Variants in SCAI observed in about 807,000 individuals in gnomAD.
The protein encoded by SCAI is protein SCAI.
In SCAI, 24 loss-of-function variants were observed where a neutral mutation model predicts 92.2. The observed-to-expected ratio is 0.26, with a 90% CI of 0.19 to 0.37. SCAI has a LOEUF of 0.37. SCAI is among the 10% of genes least tolerant of loss of function. The probability of loss-of-function intolerance (pLI) is 1.00; values close to 1 mark genes in which losing one functional copy is unlikely to be tolerated. For missense variants in SCAI, 450 were observed against 736.2 expected (o/e 0.61, Z 4.50); for synonymous variants, 261 against 258.6 (o/e 1.01, Z -0.09).
intron 2 of SCAI, among the ~76,000 whole-genome samples, chr9:125,087,756 G>A (rs1834351215): frequency 6.6e-6 from 1 of 152,090 alleles, no homozygotes; most frequent in Non-Finnish European, 1.5e-5. Context: ...AGAGAGAAGA[G>A]ATAATGAATC....
chr9:125,036,942 G>A (rs1203973638), intron 3 of SCAI, among the ~76,000 whole-genome samples: 1 of 152,162 alleles, frequency 6.6e-6, no homozygotes, highest in Non-Finnish European at 1.5e-5. Context: ...GAAACATGGA[G>A]AGACCTTACC....
At chr9:125,045,352 C>T (rs1833412801) in intron 3 of SCAI, among the ~76,000 whole-genome samples, 1 of 152,156 alleles carries the variant, frequency 6.6e-6, no homozygotes, top group Admixed American at 6.5e-5. Context: ...AGGCATGAGC[C>T]ACTGCATCTG....
Position 125,121,983 on chromosome 9 carries a change from G to A in SCAI, c.98+20650C>T, listed in dbSNP as rs1266886332. On this transcript the variant is annotated intron_variant, in intron 2 of 17. Transcript: ENST00000336505. The stretch of plus-strand genomic sequence containing the variant: ...ATCACAATTTCACTGACACCTCTAC[G>A]AAATGTTATTTGTATTTTGTCACAA... Among the ~76,000 whole-genome samples, 5 of 152,062 alleles carry A rather than the reference G, an allele frequency of 3.3e-5. No individual in the cohort carries two copies. In the South Asian group the frequency reaches 6.2e-4, roughly 19 times the overall value.
At chr9:125,050,248 C>T (rs1833533499) in intron 3 of SCAI, among the ~76,000 whole-genome samples, 1 of 152,130 alleles carries the variant, frequency 6.6e-6, no homozygotes, top group African/African-American at 2.4e-5. Context: ...GGGCCATAGA[C>T]CTACTCAGAC....
intron 9 of SCAI, among the ~76,000 whole-genome samples, chr9:125,009,485 G>A (rs1055791857): frequency 6.6e-6 from 1 of 151,984 alleles, no homozygotes; most frequent in African/African-American, 2.4e-5. Flanking sequence ...GGCCAGGCTG[G>A]TCTAGAACTC....
chr9:125,123,859 A>G (rs1262432873), intron 2 of SCAI, among the ~76,000 whole-genome samples: 1 of 152,236 alleles, frequency 6.6e-6, no homozygotes, highest in Non-Finnish European at 1.5e-5. Context: ...CACCTTCAAC[A>G]TGCACTCCCC....
At chr9:124,956,832 C>G (rs767893997) in intron 17 of SCAI, among the ~76,000 whole-genome samples, 1 of 151,858 alleles carries the variant, frequency 6.6e-6, no homozygotes, top group Non-Finnish European at 1.5e-5. Flanking sequence ...GCACTAATAA[C>G]AAGAAAAGGC....
chr9:125,075,066 A>G (rs1052223538), intron 2 of SCAI, among the ~76,000 whole-genome samples: 1 of 152,148 alleles, frequency 6.6e-6, no homozygotes, highest in Non-Finnish European at 1.5e-5. Flanking sequence ...TACAAACAAG[A>G]TGCATGGAAT....
intron 11 of SCAI, among the ~76,000 whole-genome samples, chr9:125,002,381 G>A (rs546667135): frequency 6.6e-6 from 1 of 152,068 alleles, no homozygotes; most frequent in African/African-American, 2.4e-5. Context: ...CATAGACTTT[G>A]GGAAGAATTC....
rs534639027 is a variant in SCAI at position 125,035,874 on chromosome 9, G to A, written c.231-6135C>T. ...GGAGTTCGAGACCAGCATGGGCAAC[G>A]AAGTGAGACCTTGTCTCTACAAAAA... On this transcript the variant is annotated intron_variant, in intron 3 of 17. Coordinates refer to ENST00000336505, the MANE Select transcript of SCAI (RefSeq NM_001144877.3). Among the ~76,000 whole-genome samples the A allele has an allele frequency of 1.1e-4, 17 of 152,284 alleles. No individual in the cohort carries two copies. The South Asian group carries it at 2.9e-3, about 26-fold the overall frequency.
chr9:125,031,007 A>G (rs1833062697), intron 3 of SCAI, among the ~76,000 whole-genome samples: 1 of 152,186 alleles, frequency 6.6e-6, no homozygotes, highest in African/African-American at 2.4e-5. Context: ...CGAGGGCAAA[A>G]CTTCTTCATT....
At chr9:125,127,509 T>C (rs549051483) in intron 2 of SCAI, among the ~76,000 whole-genome samples, 18 of 151,582 alleles carry the variant, frequency 1.2e-4, no homozygotes, top group Middle Eastern at 3.4e-3. Flanking sequence ...GGGTTACAGG[T>C]ACGAGCCACC....
rs545019639 is a variant in SCAI at position 125,109,137 on chromosome 9, C to G, written c.98+33496G>C. Among the ~76,000 whole-genome samples, 196 of 152,242 alleles carry G rather than the reference C, an allele frequency of 1.3e-3. 1 individual carries two copies. The highest frequency in any genetic ancestry group is 4.4e-3 in the African/African-American group (181 of 41,520). Reference sequence around the variant, plus strand: ...TTAAGGGCAGTGCAAGATGTGCTTTCTTAAACAGATGCTTGAAGGCAGCAT... The same window carrying G: ...TTAAGGGCAGTGCAAGATGTGCTTTGTTAAACAGATGCTTGAAGGCAGCAT... On this transcript the variant is annotated intron_variant, in intron 2 of 17. Transcript: ENST00000336505.
rs576383916 is a variant in SCAI, at chr9:124,951,700, G to A, written c.*1107C>T. 6.6e-6 allele frequency: 1 copy of A among 152,120 alleles called. No individual in the cohort carries two copies. Among genetic ancestry groups the A allele is most frequent in the East Asian group, 1.9e-4 (1 of 5,190 alleles). The allele number at this position is 152,120 out of a possible 1,614,324, so 9.4% of individuals were successfully genotyped here. ...AAGGAGGGAGGACTTCATAGCAAGT[G>A]ACTGTGAAATTATAAAGGGAATGAC... On this transcript the variant is annotated 3_prime_UTR_variant, in exon 18 of 18. Coordinates refer to ENST00000336505, the MANE Select transcript of SCAI (RefSeq NM_001144877.3).
At chr9:125,032,195 A>ATATATTTT (rs1177865840) in intron 3 of SCAI, among the ~76,000 whole-genome samples, 1,624 of 99,114 alleles carry the variant, frequency 0.016, 25 homozygotes, top group East Asian at 0.06. Context: ...ATATATATAT[A>ATATATTTT]TTTTTTTTTT....
At chr9:125,073,514 CTTG>C (rs1834024966) in intron 2 of SCAI, among the ~76,000 whole-genome samples, 1 of 152,188 alleles carries the variant, frequency 6.6e-6, no homozygotes, top group Non-Finnish European at 1.5e-5. Flanking sequence ...TTTCTCAACA[CTTG>C]TTATTTTCTA....
intron 2 of SCAI, among the ~76,000 whole-genome samples, chr9:125,079,305 G>C (rs1242528599): frequency 6.6e-6 from 1 of 152,100 alleles, no homozygotes; most frequent in East Asian, 1.9e-4. Flanking sequence ...GGTTATGTAA[G>C]CTAATAATTA....
intron 2 of SCAI, among the ~76,000 whole-genome samples, chr9:125,123,989 A>G (rs1005454979): frequency 1.3e-5 from 2 of 152,216 alleles, no homozygotes; most frequent in African/African-American, 4.8e-5. Flanking sequence ...GAATACAAAC[A>G]GTGGTGCCTA....
chr9:124,996,456 A>T (rs917463527), intron 13 of SCAI, among the ~76,000 whole-genome samples: 1 of 150,542 alleles, frequency 6.6e-6, no homozygotes, highest in African/African-American at 2.4e-5. Flanking sequence ...CGTGCACCTC[A>T]ACGCCTGGCT....
Sources: gnomAD v4.1 joint callset for allele counts (sites outside exome capture counted in the v4.1 genomes callset) on GRCh38, gnomAD v4.1.1 for gene constraint, MANE v1.5 for transcripts, NCBI Gene and HGNC (gene_info 2026-07-23, HGNC 2026-07-21) for gene names.